FANCA: variants seen among roughly 807,000 people sequenced by gnomAD.
The protein encoded by FANCA is FA complementation group A.
In FANCA, 236 loss-of-function variants were observed where a neutral mutation model predicts 194.3. The observed-to-expected ratio is 1.21, with a 90% CI of 1.09 to 1.35. The LOEUF is 1.35. FANCA is among the 40% of genes most tolerant of loss of function. FANCA has a pLI of 0.00. For missense variants in FANCA, 2,628 were observed against 1,813.9 expected (o/e 1.45, Z -8.15); for synonymous variants, 1,014 against 715.8 (o/e 1.42, Z -6.65).
intron 14 of FANCA, among the ~76,000 whole-genome samples, chr16:89,786,692 G>C (rs892489323): frequency 7.9e-5 from 12 of 152,182 alleles, no homozygotes; most frequent in African/African-American, 2.4e-4. Flanking sequence ...GGAAAATGCT[G>C]ATAACGCTTG....
chr16:89,792,735 A>C, intron 11 of FANCA, 188 bp from the exon 12 acceptor site: 2 of 552,394 alleles, frequency 3.6e-6, no homozygotes, highest in Non-Finnish European at 6.7e-6. Flanking sequence ...ACTACCATCA[A>C]TGCGCGGAGA....
chr16:89,750,374 T>A (rs1473149183), intron 31 of FANCA, among the ~76,000 whole-genome samples: 1 of 152,056 alleles, frequency 6.6e-6, no homozygotes, highest in African/African-American at 2.4e-5. Context: ...TCCCAGCGAC[T>A]CAGGCGGCTG....
At chr16:89,799,013 G>A (rs1191398950) in intron 10 of FANCA, 153 bp downstream of exon 10, 5 of 1,614,168 alleles carry the variant, frequency 3.1e-6, no homozygotes, top group African/African-American at 1.3e-5. Context: ...TCCCATGGTC[G>A]CCTCCTCCTC....
chr16:89,795,617 A>G (rs974141573), intron 11 of FANCA, among the ~76,000 whole-genome samples: 1 of 152,224 alleles, frequency 6.6e-6, no homozygotes, highest in African/African-American at 2.4e-5. Context: ...CAGCATGGGC[A>G]AGTGAGTGAG....
chr16:89,793,545 A>G (rs2159227), intron 11 of FANCA, among the ~76,000 whole-genome samples: 64,300 of 151,912 alleles, frequency 0.42, 14,962 homozygotes, highest in East Asian at 0.76. Context: ...TTATTATACT[A>G]GAACAGCTCG....
intron 13 of FANCA, 59 bp from the exon 14 acceptor site, chr16:89,791,595 G>A (rs575628516): frequency 1.1e-4 from 173 of 1,606,386 alleles, no homozygotes; most frequent in Non-Finnish European, 1.2e-4. Flanking sequence ...GGAACATGAC[G>A]TGAGTTATGC....
At chr16:89,804,172 G>A (rs1033706394) in intron 7 of FANCA, among the ~76,000 whole-genome samples, 7 of 152,054 alleles carry the variant, frequency 4.6e-5, no homozygotes, top group African/African-American at 1.7e-4. Flanking sequence ...ATGCTAAGTC[G>A]CTCATGCCAC....
intron 35 of FANCA, among the ~76,000 whole-genome samples, chr16:89,746,196 A>G (rs979734685): frequency 5.9e-5 from 9 of 152,198 alleles, no homozygotes; most frequent in Admixed American, 4.6e-4. Context: ...GTCAGGCGCA[A>G]GTGGGCCACA....
Position 89,791,339 on chromosome 16 carries a change from G to A in FANCA, c.1359+64C>T, listed in dbSNP as rs866398524. 1.9e-6 allele frequency: 3 copies of A among 1,582,216 alleles called. No individual in the cohort carries two copies. In the African/African-American group the frequency reaches 4.0e-5, roughly 21 times the overall value. The stretch of plus-strand genomic sequence containing the variant: ...ACAGAGAATCAGGTGGGGACAGCAT[G>A]GTCCCCACTCCCAGGCCTTCTGGGA... On this transcript the variant is annotated intron_variant, in intron 14 of 42. Transcript: ENST00000389301.
chr16:89,816,477 C>T lies in FANCA; in HGVS notation c.79+60G>A. ...GCTCTGGCGGGAAGGGATCGGGGAA[C>T]CGGCGAAACCGTCCCGGGCCGGACG... On this transcript the variant is annotated intron_variant, in intron 1 of 42. Transcript: ENST00000389301. 3 of 1,394,800 alleles carry T rather than the reference C, an allele frequency of 2.2e-6. 1 individual carries two copies. The highest frequency in any genetic ancestry group is 2.8e-5 in the South Asian group (2 of 71,456). The allele number at this position is 1,394,800 out of a possible 1,614,324, so 86.4% of individuals were successfully genotyped here. A position where few individuals can be genotyped will look rare whatever the true frequency, so the allele number is the denominator to read the frequency against.
intron 2 of FANCA, 72 bp from the exon 3 acceptor site, chr16:89,814,685 G>A: frequency 9.2e-7 from 1 of 1,081,638 alleles, no homozygotes; most frequent in Non-Finnish European, 1.4e-6. Flanking sequence ...GCTCACGCCT[G>A]TAATCCCAGT....
chr16:89,746,685 G>A lies in FANCA; in HGVS notation c.3412C>T (p.Leu1138Phe), dbSNP rs138417003. 1.2e-6 allele frequency: 2 copies of A among 1,613,894 alleles called. No individual in the cohort carries two copies. The highest frequency in any genetic ancestry group is 1.7e-6 in the Non-Finnish European group (2 of 1,179,918). The stretch of plus-strand genomic sequence containing the variant: ...CTGCTCCGCAGACAGGCGTTCAGGA[G>A]GCCCTGCAGGAGAGAACGCAGCAGG... ...QDITAHFFRGLLNACLRSRDP... is the reference protein window; with the variant it reads ...QDITAHFFRGFLNACLRSRDP... Residue 1138 changes from leucine to phenylalanine, a missense_variant, in exon 35 of 43, where the codon CTC (leucine) becomes TTC (phenylalanine). Leu to Phe is a conservative substitution (Grantham distance 22, BLOSUM62 0). Transcript: ENST00000389301.
chr16:89,754,259 A>AT lies in FANCA; in HGVS notation c.2982-2038_2982-2037insA. ...ACAAAACAAAACAACAACAAAAAAA[A>AT]CAACACTGCCCGGGGAGTTCAAGCC... On this transcript the variant is annotated intron_variant, in intron 30 of 42. Transcript: ENST00000389301. Among the ~76,000 whole-genome samples, 3 of 66,906 alleles carry AT rather than the reference A, an allele frequency of 4.5e-5. No homozygotes were observed. In the South Asian group the frequency reaches 2.1e-3, roughly 47 times the overall value. The allele number at this position is 66,906 out of a possible 152,430, so 43.9% of individuals were successfully genotyped here.
chr16:89,759,613 T>C (rs1178413181), intron 29 of FANCA, among the ~76,000 whole-genome samples: 1 of 151,736 alleles, frequency 6.6e-6, no homozygotes, highest in Non-Finnish European at 1.5e-5. Flanking sequence ...ATAAAAAAAT[T>C]AGCTGGGCAT....
intron 10 of FANCA, among the ~76,000 whole-genome samples, chr16:89,797,303 C>G (rs538032353): frequency 9.9e-5 from 15 of 152,226 alleles, no homozygotes; most frequent in African/African-American, 3.4e-4. Context: ...TGCACTCCAG[C>G]CTGGGCGACA....
intron 14 of FANCA, among the ~76,000 whole-genome samples, chr16:89,790,469 G>A (rs1334021422): frequency 6.6e-6 from 1 of 151,860 alleles, no homozygotes; most frequent in African/African-American, 2.4e-5. Context: ...GCTGGCTCAT[G>A]CCTGTAATCC....
At chr16:89,773,155 G>T (rs2039381875) in intron 22 of FANCA, 116 bp downstream of exon 22, 1 of 822,220 alleles carries the variant, frequency 1.2e-6, no homozygotes, top group Non-Finnish European at 2.0e-6. Flanking sequence ...TTAAACTACT[G>T]GACTACTAGG....
At chr16:89,815,335 C>CTTTTTTT (rs562815235) in intron 2 of FANCA, among the ~76,000 whole-genome samples, 5 of 66,498 alleles carry the variant, frequency 7.5e-5, no homozygotes, top group South Asian at 8.9e-4. Flanking sequence ...CCACGCCCGG[C>CTTTTTTT]TTTTTTTTTT....
chr16:89,771,887 C>A, intron 22 of FANCA, 73 bp from the exon 23 acceptor site: 1 of 1,563,366 alleles, frequency 6.4e-7, no homozygotes, highest in Non-Finnish European at 8.8e-7. Context: ...CTAGAGAGCT[C>A]CGCCTCCCGT....
Sources: allele counts gnomAD v4.1 joint callset (sites outside exome capture counted in the v4.1 genomes callset), GRCh38; gene constraint gnomAD v4.1.1; transcripts MANE v1.5; gene names NCBI Gene and HGNC (gene_info 2026-07-23, HGNC 2026-07-21).